The following ANO1 variants were observed in gnomAD, a reference collection of about 807,000 sequenced individuals.
ANO1 encodes the protein anoctamin-1.
A neutral mutation model predicts 124.0 loss-of-function variants in ANO1; 59 were observed. That is an observed-to-expected ratio of 0.48 (90% CI 0.39 to 0.59). ANO1 has a LOEUF of 0.59. Among genes scored for constraint, ANO1 ranks in the 20% least tolerant of loss-of-function variants. The probability of loss-of-function intolerance (pLI) is 0.00; values close to 1 mark genes in which losing one functional copy is unlikely to be tolerated. For synonymous variants in ANO1, 529 were observed against 532.0 expected (o/e 0.99, Z 0.08); for missense variants, 1,059 against 1,328.0 (o/e 0.80, Z 3.15).
At chr11:69,994,086 C>A (rs142431186) in intron 1 of ANO1, among the ~76,000 whole-genome samples, 1 of 96,726 alleles carries the variant, frequency 1.0e-5, no homozygotes, top group Non-Finnish European at 2.2e-5. Flanking sequence ...TGATTTTACA[C>A]CCCCAATTTG....
chr11:70,031,010 T>C (rs1466330935), intron 1 of ANO1, among the ~76,000 whole-genome samples: 1 of 151,848 alleles, frequency 6.6e-6, no homozygotes, highest in Non-Finnish European at 1.5e-5. Context: ...AGTGGCACAA[T>C]CTCAGCTCAC....
chr11:70,090,134 C>A (rs1358364893), intron 2 of ANO1, among the ~76,000 whole-genome samples: 1 of 152,168 alleles, frequency 6.6e-6, no homozygotes, highest in Non-Finnish European at 1.5e-5. Flanking sequence ...CCTTCTCCTG[C>A]CTCAGCGGGA....
chr11:70,125,843 C>CAA (rs35617632), intron 9 of ANO1, among the ~76,000 whole-genome samples: 2 of 77,740 alleles, frequency 2.6e-5, no homozygotes, highest in African/African-American at 4.4e-5. Flanking sequence ...GACTCCATCT[C>CAA]AAAAAAAAAC....
intron 23 of ANO1, among the ~76,000 whole-genome samples, chr11:70,181,574 C>T (rs2048930536): frequency 6.6e-6 from 1 of 152,178 alleles, no homozygotes; most frequent in Admixed American, 6.5e-5. Flanking sequence ...CTGCAACAAG[C>T]GGCGCTGTGA....
rs763205513 is a variant in ANO1, at chr11:70,087,902, G to A, written c.259G>A (p.Asp87Asn). The change falls in exon 2 of 26, where the codon GAC becomes AAC. Residue 87 changes from aspartate (D) to asparagine (N), a missense_variant. By Grantham distance (23) the Asp-to-Asn change is conservative. Around this residue, in one of 2 missense-constraint regions of ANO1, gnomAD observed 250 missense variants for 233.1 expected, o/e 1.07. Transcript: ENST00000355303. ...RTLVRRVQHS[D>N]TPSGARSVKQ... ...CCTGGTCAGGAGGGTGCAGCACAGCGACACCCCCTCTGGGGCTCGCAGCGT... is the reference window on the plus strand; with the variant it reads ...CCTGGTCAGGAGGGTGCAGCACAGCAACACCCCCTCTGGGGCTCGCAGCGT... The A allele has an allele frequency of 1.9e-5, 30 of 1,610,758 alleles. No individual in the cohort carries two copies. Among genetic ancestry groups the A allele is most frequent in the East Asian group, 2.2e-5 (1 of 44,790 alleles).
chr11:70,066,557 C>T (rs1857724248), intron 1 of ANO1, among the ~76,000 whole-genome samples: 1 of 150,490 alleles, frequency 6.6e-6, no homozygotes, highest in African/African-American at 2.4e-5. Context: ...CAATCACCCC[C>T]ACAAACATTT....
intron 1 of ANO1, among the ~76,000 whole-genome samples, chr11:69,999,896 T>C (rs7111542): frequency 0.49 from 74,579 of 151,858 alleles, 19,461 homozygotes; most frequent in East Asian, 0.89. Context: ...GGGGAGTGTC[T>C]GATGAGAGTA....
At position 70,084,789 on chromosome 11, in the gene ANO1, A is replaced by G. The variant is rs917303487; in HGVS notation, c.109-2963A>G. Among the ~76,000 whole-genome samples, 3 of 152,194 alleles carry G rather than the reference A, an allele frequency of 2.0e-5. No individual in the cohort carries two copies. In the South Asian group the frequency reaches 6.2e-4, roughly 32 times the overall value. On this transcript the variant is annotated intron_variant, in intron 1 of 25. Transcript: ENST00000355303. ...TAACCACTGCCCCAGGCTGGGACAG[A>G]ACTGAGGCCTGCTAAATTGCTGCAC...
At chr11:70,138,516 AAAAAG>A (rs1555037595) in intron 11 of ANO1, among the ~76,000 whole-genome samples, 2 of 151,776 alleles carry the variant, frequency 1.3e-5, no homozygotes, top group Non-Finnish European at 2.9e-5. Context: ...CAAAAAAAAA[AAAAAG>A]AAAAGAAAAG....
chr11:70,115,470 G>A (rs1015022963), intron 7 of ANO1, among the ~76,000 whole-genome samples: 25 of 152,088 alleles, frequency 1.6e-4, no homozygotes, highest in African/African-American at 4.1e-4. Flanking sequence ...AAAATTAGCC[G>A]GGTGTGGTGG....
intron 22 of ANO1, among the ~76,000 whole-genome samples, chr11:70,177,568 C>G (rs2048754217): frequency 6.9e-6 from 1 of 145,170 alleles, no homozygotes; most frequent in Non-Finnish European, 1.5e-5. Flanking sequence ...GCCGAGGAGT[C>G]TCGATTTTTC....
Position 70,131,865 on chromosome 11 carries a change from G to A in ANO1, c.1098-54G>A. The A allele has an allele frequency of 3.8e-6, 6 of 1,560,766 alleles. No individual in the cohort carries two copies. The South Asian group carries it at 5.9e-5, about 15-fold the overall frequency. On this transcript the variant is annotated intron_variant, in intron 10 of 25. Coordinates refer to ENST00000355303, the MANE Select transcript of ANO1 (RefSeq NM_018043.7). ...TCCCAGGCCAGCTCGGCACCCAGGA[G>A]GTGCTCCATCATGGCCCAACAAGGT...
chr11:69,991,615 T>C (rs1856156843), intron 1 of ANO1, among the ~76,000 whole-genome samples: 1 of 152,230 alleles, frequency 6.6e-6, no homozygotes, highest in Non-Finnish European at 1.5e-5. Context: ...TATTGTGATG[T>C]AAATAACTGA....
rs2046415560 is a variant in ANO1 at position 70,124,541 on chromosome 11, T to C, written c.962+127T>C. ...AACGTGTTTGAACTCAAAGAGCTTG[T>C]GTAGGAAGACCCAAAATGTCCCTGC... On this transcript the variant is annotated intron_variant, in intron 9 of 25. Transcript: ENST00000355303. The C allele has an allele frequency of 9.5e-6, 9 of 947,354 alleles. No homozygotes were observed. In the South Asian group the frequency reaches 1.2e-4, roughly 13 times the overall value. The allele number at this position is 947,354 out of a possible 1,614,324, so 58.7% of individuals were successfully genotyped here.
intron 2 of ANO1, among the ~76,000 whole-genome samples, chr11:70,099,364 C>T (rs1286891576): frequency 1.3e-5 from 2 of 152,188 alleles, no homozygotes; most frequent in South Asian, 2.1e-4. Context: ...CCCTGTTGCT[C>T]ATGTAAACGG....
chr11:70,121,403 CTCT>C (rs2046261172), intron 8 of ANO1, among the ~76,000 whole-genome samples: 1 of 151,032 alleles, frequency 6.6e-6, no homozygotes, highest in Non-Finnish European at 1.5e-5. Flanking sequence ...GTCTCTGTCT[CTCT>C]CCCTGTCTCC....
At chr11:70,147,551 G>C (rs1474792343) in intron 11 of ANO1, among the ~76,000 whole-genome samples, 1 of 152,236 alleles carries the variant, frequency 6.6e-6, no homozygotes, top group Non-Finnish European at 1.5e-5. Context: ...GCATCATGGG[G>C]AGGCGCGTTC....
At chr11:70,067,468 C>T (rs1857759245) in intron 1 of ANO1, among the ~76,000 whole-genome samples, 1 of 152,082 alleles carries the variant, frequency 6.6e-6, no homozygotes, top group Non-Finnish European at 1.5e-5. Context: ...GCTTGGATTA[C>T]AGGCGCCTGC....
intron 2 of ANO1, among the ~76,000 whole-genome samples, chr11:70,096,059 G>A (rs774823221): frequency 2.0e-5 from 3 of 152,110 alleles, no homozygotes; most frequent in African/African-American, 4.8e-5. Flanking sequence ...TTTCTATCTC[G>A]GTCACTTCAG....
Sources: gnomAD v4.1 joint callset for allele counts (sites outside exome capture counted in the v4.1 genomes callset) on GRCh38, gnomAD v4.1.1 for gene constraint, gnomAD v4.1.1 regional missense constraint, MANE v1.5 for transcripts, NCBI Gene and HGNC (gene_info 2026-07-23, HGNC 2026-07-21) for gene names.